CNTNAP5: variants seen among roughly 807,000 people sequenced by gnomAD.
CNTNAP5 encodes contactin associated protein family member 5, also known as contactin-associated protein-like 5.
A neutral mutation model predicts 150.2 loss-of-function variants in CNTNAP5; 72 were observed. The observed-to-expected ratio is 0.48, with a 90% CI of 0.40 to 0.58. The LOEUF is 0.58. Among genes scored for constraint, CNTNAP5 ranks in the 20% least tolerant of loss-of-function variants. The probability of loss-of-function intolerance (pLI) is 0.00; values close to 1 mark genes in which losing one functional copy is unlikely to be tolerated. For missense variants in CNTNAP5, 1,636 were observed against 1,626.2 expected, an observed-to-expected ratio of 1.01 and a Z score of -0.10; for synonymous variants, 672 against 619.8, an observed-to-expected ratio of 1.08 and a Z score of -1.25.
chr2:124,744,851 A>C (rs1402916210), intron 13 of CNTNAP5, among the ~76,000 whole-genome samples: 1 of 152,188 alleles, frequency 6.6e-6, no homozygotes, highest in Non-Finnish European at 1.5e-5. Context: ...TAATCTCTCC[A>C]GTACTGCACA....
At chr2:124,590,286 A>G (rs12466592) in intron 11 of CNTNAP5, among the ~76,000 whole-genome samples, 42,763 of 152,084 alleles carry the variant, frequency 0.28, 6,373 homozygotes, top group South Asian at 0.41. Flanking sequence ...TCCTATCTCC[A>G]TTTGTAACCT....
At chr2:124,504,250 T>TA in intron 7 of CNTNAP5, 42 bp from the exon 8 acceptor site, 1 of 1,591,454 alleles carries the variant, frequency 6.3e-7, no homozygotes, top group Non-Finnish European at 8.6e-7. Flanking sequence ...GATTGCGGAA[T>TA]AAAAAATGGC....
chr2:124,506,192 A>G (rs1694403500), intron 8 of CNTNAP5, among the ~76,000 whole-genome samples: 1 of 26,106 alleles, frequency 3.8e-5, no homozygotes, highest in Non-Finnish European at 7.0e-5. Flanking sequence ...ACTTTTAAAG[A>G]AAAAAAAAAA....
At chr2:124,111,160 A>C (rs1683289746) in intron 1 of CNTNAP5, among the ~76,000 whole-genome samples, 1 of 152,208 alleles carries the variant, frequency 6.6e-6, no homozygotes, top group African/African-American at 2.4e-5. Context: ...AAAAAATGAA[A>C]TGAAATTTGG....
At position 124,047,933 on chromosome 2, in the gene CNTNAP5, G is replaced by A. The variant is rs181348814; in HGVS notation, c.82+22201G>A. On this transcript the variant is annotated intron_variant, in intron 1 of 23. Coordinates refer to ENST00000682447, the MANE Select transcript of CNTNAP5 (RefSeq NM_001367498.1). ...TCAGTGTCTTTATACTGCTCCTCTA[G>A]CACAAGCATGCACATGTGCATACAC... Among the ~76,000 whole-genome samples, 312 of 152,154 alleles carry A rather than the reference G, an allele frequency of 2.1e-3. 4 individuals are homozygous for A. In the South Asian group the frequency reaches 0.029, roughly 14 times the overall value.
At chr2:124,038,077 G>T (rs1211266895) in intron 1 of CNTNAP5, among the ~76,000 whole-genome samples, 1 of 152,120 alleles carries the variant, frequency 6.6e-6, no homozygotes, top group Admixed American at 6.5e-5. Flanking sequence ...TACCCAATAG[G>T]GATAGACAGA....
chr2:124,342,605 T>C (rs1689644574), intron 3 of CNTNAP5, among the ~76,000 whole-genome samples: 1 of 152,156 alleles, frequency 6.6e-6, no homozygotes, highest in Non-Finnish European at 1.5e-5. Context: ...GAAGAATAAA[T>C]TCGTATTGAA....
chr2:124,812,435 G>C (rs188003164), intron 19 of CNTNAP5, among the ~76,000 whole-genome samples: 1 of 151,626 alleles, frequency 6.6e-6, no homozygotes, highest in Non-Finnish European at 1.5e-5. Flanking sequence ...ACTGGTTTAG[G>C]CCATGACAGG....
chr2:124,396,482 G>A (rs1269636769), intron 3 of CNTNAP5, among the ~76,000 whole-genome samples: 2 of 152,070 alleles, frequency 1.3e-5, no homozygotes, highest in African/African-American at 4.8e-5. Flanking sequence ...CCTTTTTTCT[G>A]GATACGAAAT....
chr2:124,445,239 A>T (rs1478597656), intron 5 of CNTNAP5, among the ~76,000 whole-genome samples: 1 of 151,426 alleles, frequency 6.6e-6, no homozygotes. Context: ...ACAGGCGCCC[A>T]TCACCTTGCC....
At chr2:124,215,867 A>G (rs1053998089) in intron 1 of CNTNAP5, among the ~76,000 whole-genome samples, 7 of 152,136 alleles carry the variant, frequency 4.6e-5, no homozygotes, top group African/African-American at 7.2e-5. Context: ...TATAAATAAT[A>G]CTACTACTAA....
In CNTNAP5 at chr2:124,242,205, G is replaced by T; in HGVS notation, c.193G>T (p.Gly65Cys). 6.3e-7 allele frequency: 1 copy of T among 1,585,376 alleles called. No individual in the cohort carries two copies. The change falls in exon 3 of 24, where the codon GGC (glycine) becomes TGC (cysteine). Residue 65 changes from glycine to cysteine, a missense_variant. Transcript: ENST00000682447. Reference protein sequence around the residue: ...PAQLNWRVGTGGWSPADSNAQ... With the variant: ...PAQLNWRVGTCGWSPADSNAQ... ...TCTCTCTGATCCTGTTCCAGGAACTGGCGGTTGGTCCCCAGCAGATTCCAA... is the reference window on the plus strand; with the variant it reads ...TCTCTCTGATCCTGTTCCAGGAACTTGCGGTTGGTCCCCAGCAGATTCCAA...
intron 21 of CNTNAP5, among the ~76,000 whole-genome samples, chr2:124,894,294 G>A (rs962895184): frequency 6.8e-6 from 1 of 147,522 alleles, no homozygotes; most frequent in Non-Finnish European, 1.5e-5. Context: ...TTCTTCATTG[G>A]AGTAGGATAT....
At chr2:124,803,213 A>G (rs1682009716) in intron 19 of CNTNAP5, among the ~76,000 whole-genome samples, 1 of 152,154 alleles carries the variant, frequency 6.6e-6, no homozygotes, top group African/African-American at 2.4e-5. Context: ...AGAATGAGTT[A>G]AAGATGATCA....
At chr2:124,874,542 T>C (rs1677815341) in intron 21 of CNTNAP5, among the ~76,000 whole-genome samples, 1 of 152,086 alleles carries the variant, frequency 6.6e-6, no homozygotes, top group Admixed American at 6.6e-5. Flanking sequence ...TTTCTGGTCC[T>C]GTTGTCCCCT....
At chr2:124,769,594 T>G (rs1341428657) in intron 16 of CNTNAP5, among the ~76,000 whole-genome samples, 1 of 152,194 alleles carries the variant, frequency 6.6e-6, no homozygotes, top group Non-Finnish European at 1.5e-5. Flanking sequence ...AGAGCCAGCT[T>G]GAGTTTGCCT....
At chr2:124,441,061 C>T (rs1435822856) in intron 5 of CNTNAP5, among the ~76,000 whole-genome samples, 2 of 152,058 alleles carry the variant, frequency 1.3e-5, no homozygotes, top group Non-Finnish European at 2.9e-5. Context: ...CAATTCTAAA[C>T]ATCCTTTTTT....
At chr2:124,839,921 G>A (rs1682911975) in intron 19 of CNTNAP5, among the ~76,000 whole-genome samples, 1 of 152,072 alleles carries the variant, frequency 6.6e-6, no homozygotes, top group Non-Finnish European at 1.5e-5. Flanking sequence ...AAACACACTT[G>A]TCTCTTTTTC....
chr2:124,298,194 G>A (rs147947636), intron 3 of CNTNAP5, among the ~76,000 whole-genome samples: 9 of 151,976 alleles, frequency 5.9e-5, no homozygotes, highest in African/African-American at 1.9e-4. Flanking sequence ...GGATGTAAAT[G>A]CTTGTTTGTT....
Sources: gnomAD v4.1 joint callset for allele counts (sites outside exome capture counted in the v4.1 genomes callset) on GRCh38, gnomAD v4.1.1 for gene constraint, MANE v1.5 for transcripts, NCBI Gene and HGNC (gene_info 2026-07-23, HGNC 2026-07-21) for gene names.